RIBC2: variants seen among roughly 807,000 people sequenced by gnomAD.
The protein encoded by RIBC2 is RIB43A-like with coiled-coils protein 2.
In RIBC2, 40 loss-of-function variants were observed where a neutral mutation model predicts 44.3. That is an observed-to-expected ratio of 0.90 (90% CI 0.70 to 1.18). The LOEUF (loss-of-function observed/expected upper bound fraction) is 1.18, where lower values mean the gene tolerates loss of function less well. Ranked by LOEUF, RIBC2 falls within the 50% of genes most tolerant of loss-of-function variation. The pLI is 0.00. For missense variants in RIBC2, 459 were observed against 485.5 expected, an observed-to-expected ratio of 0.95 and a Z score of 0.51; for synonymous variants, 171 against 175.0, an observed-to-expected ratio of 0.98 and a Z score of 0.18.
At chr22:45,431,133 C>A in intron 6 of RIBC2, 67 bp downstream of exon 6, 1 of 1,519,686 alleles carries the variant, frequency 6.6e-7, no homozygotes, top group South Asian at 1.2e-5. Context: ...CTGTGGAGGT[C>A]AAGGACGAGG....
Position 45,413,735 on chromosome 22 carries a change from C to T in RIBC2, c.-152C>T. 8.3e-7 allele frequency: 1 copy of T among 1,198,908 alleles called. No individual in the cohort carries two copies. Among genetic ancestry groups the T allele is most frequent in the Non-Finnish European group, 1.2e-6 (1 of 861,092 alleles). 74.3% of individuals were successfully genotyped at this position (1,198,908 alleles called of 1,614,324 possible). The stretch of plus-strand genomic sequence containing the variant: ...GAGAGCGGGAGCGTCTGTACCTCTG[C>T]GGCGTCACTGGGAGCCCGACGGAAA... On this transcript the variant is annotated 5_prime_UTR_variant, in exon 1 of 7. Transcript: ENST00000614167.
chr22:45,424,612 A>G (rs2087516739), intron 4 of RIBC2, among the ~76,000 whole-genome samples: 1 of 152,190 alleles, frequency 6.6e-6, no homozygotes, highest in Non-Finnish European at 1.5e-5. Context: ...GTTCCTTGGC[A>G]TCCTCACTTT....
intron 3 of RIBC2, among the ~76,000 whole-genome samples, chr22:45,421,026 G>C (rs112266474): frequency 7.2e-5 from 11 of 152,220 alleles, no homozygotes; most frequent in African/African-American, 2.4e-4. Flanking sequence ...TGCCTCCCAG[G>C]TTCAAGTGAT....
intron 6 of RIBC2, among the ~76,000 whole-genome samples, chr22:45,431,644 C>T (rs1446703819): frequency 6.6e-6 from 1 of 152,128 alleles, no homozygotes; most frequent in Non-Finnish European, 1.5e-5. Flanking sequence ...CATCTGTTAT[C>T]ACTTCTGCTG....
At position 45,419,718 on chromosome 22, in the gene RIBC2, G is replaced by C. The variant is rs1274984124; in HGVS notation, c.556+1772G>C. ...ACCGCCCTCCAGCCTGGCCAGCAGA[G>C]TGAAACCCTGTCTCAAAAAAAAAAA... is the stretch of plus-strand genomic sequence containing the variant. On this transcript the variant is annotated intron_variant, in intron 3 of 6. Transcript: ENST00000614167. Among the ~76,000 whole-genome samples the C allele has an allele frequency of 1.3e-4, 20 of 148,660 alleles. No homozygotes were observed. The Admixed American group carries it at 1.4e-3, about 10-fold the overall frequency.
chr22:45,425,321 T>G (rs982962640), intron 4 of RIBC2, among the ~76,000 whole-genome samples: 8 of 152,132 alleles, frequency 5.3e-5, no homozygotes, highest in Admixed American at 1.3e-4. Context: ...AACTGCCCTG[T>G]CCATGTGTTA....
chr22:45,423,671 C>T (rs2087507225), intron 4 of RIBC2, among the ~76,000 whole-genome samples: 1 of 152,020 alleles, frequency 6.6e-6, no homozygotes, highest in South Asian at 2.1e-4. Flanking sequence ...GTTTTCAACA[C>T]GGGGGAGAGG....
intron 4 of RIBC2, 41 bp from the exon 5 acceptor site, chr22:45,425,907 G>A (rs752019708): frequency 1.3e-6 from 2 of 1,554,768 alleles, no homozygotes; most frequent in Admixed American, 1.8e-5. Flanking sequence ...ATGCCCCTGG[G>A]GTCACTCGGA....
At chr22:45,425,595 T>C (rs1199045233) in intron 4 of RIBC2, among the ~76,000 whole-genome samples, 1 of 152,232 alleles carries the variant, frequency 6.6e-6, no homozygotes, top group African/African-American at 2.4e-5. Context: ...GTCCAAGGGT[T>C]GCCAGGGGCA....
At chr22:45,427,615 G>A (rs1202593975) in intron 5 of RIBC2, among the ~76,000 whole-genome samples, 1 of 152,226 alleles carries the variant, frequency 6.6e-6, no homozygotes, top group Admixed American at 6.5e-5. Flanking sequence ...AGGCATAAAT[G>A]TGAGTCGTCA....
At chr22:45,426,222 T>C (rs745426659) in intron 5 of RIBC2, 47 bp downstream of exon 5, 1 of 1,496,350 alleles carries the variant, frequency 6.7e-7, no homozygotes, top group Non-Finnish European at 9.2e-7. Flanking sequence ...CCAGGCTCTT[T>C]GCTCCCACTG....
At chr22:45,417,575 C>T in intron 2 of RIBC2, 27 bp from the exon 3 acceptor site, 2 of 1,522,688 alleles carry the variant, frequency 1.3e-6, no homozygotes, top group Non-Finnish European at 1.8e-6. Flanking sequence ...GAATCCTAAG[C>T]TTATGGATAT....
intron 3 of RIBC2, among the ~76,000 whole-genome samples, chr22:45,419,549 C>G (rs2087458098): frequency 6.6e-6 from 1 of 151,966 alleles, no homozygotes; most frequent in Admixed American, 6.5e-5. Context: ...GCCCGGGCAA[C>G]AAAGTGAGAC....
chr22:45,432,254 G>T, intron 6 of RIBC2, 30 bp from the exon 7 acceptor site: 1 of 1,287,072 alleles, frequency 7.8e-7, no homozygotes, highest in Non-Finnish European at 1.1e-6. Context: ...CACATTTGCT[G>T]ACCTTTTTTT....
intron 3 of RIBC2, among the ~76,000 whole-genome samples, chr22:45,421,164 G>A (rs911797637): frequency 2.6e-5 from 4 of 151,840 alleles, no homozygotes; most frequent in Non-Finnish European, 5.9e-5. Context: ...GCGTGGTGGT[G>A]CGCGCCTGTA....
At chr22:45,432,246 C>A (rs2087587338) in intron 6 of RIBC2, 38 bp from the exon 7 acceptor site, 4 of 1,138,550 alleles carry the variant, frequency 3.5e-6, no homozygotes, top group African/African-American at 1.6e-5. Context: ...GAAGTATACA[C>A]ATTTGCTGAC....
At chr22:45,424,758 T>TTC (rs998768808) in intron 4 of RIBC2, among the ~76,000 whole-genome samples, 2 of 148,844 alleles carry the variant, frequency 1.3e-5, no homozygotes, top group African/African-American at 2.5e-5. Flanking sequence ...TTTTTCTTTT[T>TTC]TTTTTTTTTT....
chr22:45,423,770 A>G (rs1311451937), intron 4 of RIBC2, among the ~76,000 whole-genome samples: 2 of 152,122 alleles, frequency 1.3e-5, no homozygotes, highest in Admixed American at 6.5e-5. Context: ...GTGAGCTGCA[A>G]AGGTCTTAGA....
chr22:45,419,732 CAA>C (rs567543981), intron 3 of RIBC2, among the ~76,000 whole-genome samples: 1 of 132,478 alleles, frequency 7.5e-6, no homozygotes, highest in Non-Finnish European at 1.6e-5. Flanking sequence ...AACCCTGTCT[CAA>C]AAAAAAAAAA....
Sources: gnomAD v4.1 joint callset for allele counts (sites outside exome capture counted in the v4.1 genomes callset) on GRCh38, gnomAD v4.1.1 for gene constraint, MANE v1.5 for transcripts, NCBI Gene and HGNC (gene_info 2026-07-23, HGNC 2026-07-21) for gene names.